Variants in THADA observed in about 807,000 individuals in gnomAD.
THADA encodes the protein tRNA (32-2'-O)-methyltransferase regulator THADA.
In THADA, 213 loss-of-function variants were observed where a neutral mutation model predicts 219.8. The ratio of observed to expected loss-of-function variants is 0.97; its 90% CI spans 0.87 to 1.09. The LOEUF is 1.09. Ranked by LOEUF, THADA falls within the 50% of genes least tolerant of loss-of-function variation. The probability of loss-of-function intolerance (pLI) is 0.00; values close to 1 mark genes in which losing one functional copy is unlikely to be tolerated. For synonymous variants in THADA, 1,018 were observed against 828.9 expected, an observed-to-expected ratio of 1.23 and a Z score of -3.92; for missense variants, 2,956 against 2,311.3, an observed-to-expected ratio of 1.28 and a Z score of -5.72.
At chr2:43,387,880 A>G (rs1672887195) in intron 29 of THADA, among the ~76,000 whole-genome samples, 1 of 152,236 alleles carries the variant, frequency 6.6e-6, no homozygotes, top group African/African-American at 2.4e-5. Context: ...ATGAACAACA[A>G]TATGGTCTAA....
chr2:43,470,207 C>CAAAA (rs67659070), intron 26 of THADA, among the ~76,000 whole-genome samples: 10 of 80,604 alleles, frequency 1.2e-4, no homozygotes, highest in Admixed American at 2.9e-4. Flanking sequence ...GACCTTGTCT[C>CAAAA]AAAAAAAAAA....
At chr2:43,291,675 C>T in intron 34 of THADA, 21 bp downstream of exon 34, 3 of 1,511,840 alleles carry the variant, frequency 2.0e-6, no homozygotes, top group East Asian at 2.4e-5. Context: ...GGTCCCGGAA[C>T]AAGATCAGAA....
intron 8 of THADA, among the ~76,000 whole-genome samples, chr2:43,581,127 T>C (rs1161721907): frequency 6.6e-6 from 1 of 152,164 alleles, no homozygotes; most frequent in African/African-American, 2.4e-5. Context: ...AATCTTATTA[T>C]AATAATAAAC....
chr2:43,399,935 A>G (rs1210324779), intron 28 of THADA, among the ~76,000 whole-genome samples: 2 of 152,106 alleles, frequency 1.3e-5, no homozygotes, highest in Non-Finnish European at 2.9e-5. Flanking sequence ...TTAATTAGCA[A>G]ATGACCTCAC....
chr2:43,467,962 C>G (rs1651854535), intron 26 of THADA, among the ~76,000 whole-genome samples: 1 of 152,162 alleles, frequency 6.6e-6, no homozygotes, highest in Non-Finnish European at 1.5e-5. Flanking sequence ...CTAAGCCAGA[C>G]CAGGCTGATA....
At chr2:43,238,094 G>A (rs1668239181) in intron 36 of THADA, among the ~76,000 whole-genome samples, 1 of 103,368 alleles carries the variant, frequency 9.7e-6, no homozygotes, top group South Asian at 3.5e-4. Context: ...ACTCCAGCCT[G>A]GATGACAGAG....
intron 36 of THADA, among the ~76,000 whole-genome samples, chr2:43,269,189 C>T (rs1282091568): frequency 6.6e-6 from 1 of 152,216 alleles, no homozygotes; most frequent in Non-Finnish European, 1.5e-5. Context: ...CAACACCCTG[C>T]AGCCGCGTCA....
rs970609234 is a variant in THADA at position 43,484,503 on chromosome 2, G to A, written c.3836+731C>T. ...AAATGTGCAGCAACAGTGACATCTA[G>A]TGTTAACAACTGCAAGTCAATTAGA... On this transcript the variant is annotated intron_variant, in intron 26 of 37. Transcript: ENST00000405975. 20 of 169,250 alleles carry A rather than the reference G, an allele frequency of 1.2e-4. 1 individual carries two copies. In the Middle Eastern group the frequency reaches 5.2e-3, roughly 44 times the overall value. The allele number at this position is 169,250 out of a possible 1,614,324, so 10.5% of individuals were successfully genotyped here.
Position 43,570,523 on chromosome 2 carries a change from A to G in THADA, c.2065-13T>C. Reference sequence around the variant, plus strand: ...TCCTACAAAACAACTTTTGAAACAAAGGAAATGAAGCACAGGTGAGCCACA... The same window carrying G: ...TCCTACAAAACAACTTTTGAAACAAGGGAAATGAAGCACAGGTGAGCCACA... On this transcript the variant is annotated splice_polypyrimidine_tract_variant and intron_variant, in intron 13 of 37. Coordinates refer to ENST00000405975, the MANE Select transcript of THADA (RefSeq NM_022065.5). 6.2e-7 allele frequency: 1 copy of G among 1,602,804 alleles called. No individual in the cohort carries two copies.
At chr2:43,445,045 C>T (rs1681343623) in intron 26 of THADA, among the ~76,000 whole-genome samples, 1 of 152,086 alleles carries the variant, frequency 6.6e-6, no homozygotes, top group South Asian at 2.1e-4. Flanking sequence ...AATCGGGAAG[C>T]CAATAAACTA....
chr2:43,322,743 T>C (rs1678886120), intron 30 of THADA, among the ~76,000 whole-genome samples: 1 of 127,870 alleles, frequency 7.8e-6, no homozygotes, highest in Non-Finnish European at 1.6e-5. Context: ...TGGAGTGCAG[T>C]GGTGCGATCT....
At chr2:43,534,463 CTCTA>C (rs1484477745) in intron 21 of THADA, among the ~76,000 whole-genome samples, 2 of 152,124 alleles carry the variant, frequency 1.3e-5, no homozygotes, top group Non-Finnish European at 2.9e-5. Context: ...CCTTTCACAA[CTCTA>C]CCTATCTCCA....
rs1172068046 is a variant in THADA, at chr2:43,312,723, T to C, written c.4438+7723A>G. Among the ~76,000 whole-genome samples, 3 of 151,868 alleles carry C rather than the reference T, an allele frequency of 2.0e-5. No individual in the cohort carries two copies. The East Asian group carries it at 5.8e-4, about 29-fold the overall frequency. ...TTTATTGACAACAAAGCCTGTTTTTTTTTTTTTTTTTTCCTCCTCCTTAAA... is the reference window on the plus strand; with the variant it reads ...TTTATTGACAACAAAGCCTGTTTTTCTTTTTTTTTTTTCCTCCTCCTTAAA... On this transcript the variant is annotated intron_variant, in intron 31 of 37. Coordinates refer to ENST00000405975, the MANE Select transcript of THADA (RefSeq NM_022065.5).
intron 36 of THADA, among the ~76,000 whole-genome samples, chr2:43,240,145 G>A (rs1668466645): frequency 6.6e-6 from 1 of 152,176 alleles, no homozygotes; most frequent in Non-Finnish European, 1.5e-5. Flanking sequence ...GGCTAAGCAG[G>A]GTGGGTGAGA....
chr2:43,485,808 C>A (rs1686845442), intron 25 of THADA, among the ~76,000 whole-genome samples: 1 of 151,578 alleles, frequency 6.6e-6, no homozygotes, highest in South Asian at 2.1e-4. Flanking sequence ...AGTGGAAGGA[C>A]TGCTTGAGGC....
At chr2:43,549,176 A>T in intron 20 of THADA, 34 bp downstream of exon 20, 1 of 1,497,064 alleles carries the variant, frequency 6.7e-7, no homozygotes, top group Non-Finnish European at 8.9e-7. Flanking sequence ...GGTTACTTAA[A>T]CATGAATTAC....
chr2:43,385,635 AAG>A (rs1005844005), intron 29 of THADA, among the ~76,000 whole-genome samples: 7 of 151,010 alleles, frequency 4.6e-5, no homozygotes, highest in African/African-American at 1.7e-4. Flanking sequence ...AAAAAAGAAG[AAG>A]GGGCAAGCAT....
At chr2:43,511,484 A>G (rs1472278981) in intron 22 of THADA, among the ~76,000 whole-genome samples, 1 of 152,012 alleles carries the variant, frequency 6.6e-6, no homozygotes, top group African/African-American at 2.4e-5. Context: ...TATTAACCAA[A>G]TCATCTAACT....
At chr2:43,508,588 G>A in intron 23 of THADA, 60 bp downstream of exon 23, 1 of 1,556,562 alleles carries the variant, frequency 6.4e-7, no homozygotes, top group South Asian at 1.2e-5. Context: ...AAACAGGTTA[G>A]GATACACTAT....
Sources: allele counts gnomAD v4.1 joint callset (sites outside exome capture counted in the v4.1 genomes callset), GRCh38; gene constraint gnomAD v4.1.1; transcripts MANE v1.5; gene names NCBI Gene and HGNC (gene_info 2026-07-23, HGNC 2026-07-21).